The following ANKRD30BL variants were observed in gnomAD, a reference collection of about 807,000 sequenced individuals.
ANKRD30BL encodes ankyrin repeat domain 30B like.
In ANKRD30BL, 20 loss-of-function variants were observed where a neutral mutation model predicts 18.4. The observed-to-expected ratio is 1.09, with a 90% confidence interval of 0.77 to 1.58. The LOEUF (loss-of-function observed/expected upper bound fraction) is 1.58, where lower values mean the gene tolerates loss of function less well. ANKRD30BL is among the 40% of genes most tolerant of loss of function. The pLI, the probability that ANKRD30BL is intolerant of heterozygous loss-of-function variation, is 0.00. For missense variants in ANKRD30BL, 224 were observed against 268.6 expected (o/e 0.83, Z 1.16); for synonymous variants, 72 against 100.9 (o/e 0.71, Z 1.72).
chr2:132,180,444 G>T (rs934830424), intron 1 of ANKRD30BL, among the ~76,000 whole-genome samples: 1 of 152,168 alleles, frequency 6.6e-6, no homozygotes, highest in Non-Finnish European at 1.5e-5. Context: ...ACTGCTTAAA[G>T]ACATATTTCT....
intron 1 of ANKRD30BL, among the ~76,000 whole-genome samples, chr2:132,230,273 C>T (rs1262107963): frequency 2.6e-5 from 4 of 152,068 alleles, no homozygotes; most frequent in South Asian, 2.1e-4. Context: ...TTATGGACCG[C>T]TTTGAGGCCT....
At chr2:132,238,220 G>C (rs1436010173) in intron 1 of ANKRD30BL, among the ~76,000 whole-genome samples, 1 of 151,998 alleles carries the variant, frequency 6.6e-6, no homozygotes, top group African/African-American at 2.4e-5. Flanking sequence ...GTTTGATACA[G>C]CAGTTATGAA....
chr2:132,250,416 T>G (rs945723972), intron 1 of ANKRD30BL, among the ~76,000 whole-genome samples: 1 of 152,164 alleles, frequency 6.6e-6, no homozygotes, highest in Non-Finnish European at 1.5e-5. Context: ...GTGCTCATAA[T>G]TAGTTTTTAG....
chr2:132,181,966 C>G (rs913137112), intron 1 of ANKRD30BL, among the ~76,000 whole-genome samples: 1 of 151,918 alleles, frequency 6.6e-6, no homozygotes, highest in African/African-American at 2.4e-5. Flanking sequence ...ACAAAATTAG[C>G]CGGGCGTGGT....
At chr2:132,176,037 C>T (rs151029700) in intron 1 of ANKRD30BL, among the ~76,000 whole-genome samples, 334 of 152,238 alleles carry the variant, frequency 2.2e-3, no homozygotes, top group African/African-American at 7.6e-3. Flanking sequence ...CTTCCTTTTC[C>T]CTACAAAATA....
chr2:132,247,124 G>A (rs556728724), intron 1 of ANKRD30BL, among the ~76,000 whole-genome samples: 1 of 100,182 alleles, frequency 1.0e-5, no homozygotes, highest in South Asian at 3.1e-4. Flanking sequence ...AGCTCTTTGA[G>A]GCCTATGGTG....
intron 1 of ANKRD30BL, among the ~76,000 whole-genome samples, chr2:132,247,580 GTGA>G (rs1297083088): frequency 8.6e-5 from 13 of 151,850 alleles, no homozygotes; most frequent in Non-Finnish European, 1.5e-4. Context: ...TAGTTTTTAT[GTGA>G]TGATATTTCT....
Position 132,207,497 on chromosome 2 carries a change from A to T in ANKRD30BL, n.441+50032T>A, listed in dbSNP as rs572414359. On this transcript the variant is annotated intron_variant and non_coding_transcript_variant, in intron 1 of 4. Transcript: ENST00000470729. ...CTTTCAAATCTCTGATTATCGGACC[A>T]AACCATAAGGTCCTCCACGTGAATT... Among the ~76,000 whole-genome samples, 242 of 152,298 alleles carry T rather than the reference A, an allele frequency of 1.6e-3. 1 individual carries two copies. The highest frequency in any genetic ancestry group is 5.5e-3 in the African/African-American group (227 of 41,568).
chr2:132,225,266 A>T (rs1275308960), intron 1 of ANKRD30BL, among the ~76,000 whole-genome samples: 2 of 151,976 alleles, frequency 1.3e-5, no homozygotes, highest in Admixed American at 6.6e-5. Context: ...TTTTTTGTAG[A>T]ATCTGCAAGT....
chr2:132,198,615 G>A (rs1307080056), intron 1 of ANKRD30BL, among the ~76,000 whole-genome samples: 25 of 149,256 alleles, frequency 1.7e-4, no homozygotes, highest in South Asian at 2.1e-4. Context: ...GAGCCACAGC[G>A]CCCAGCCTTT....
chr2:132,153,514 C>CA (rs1687818832), intron 4 of ANKRD30BL: 1 of 484,782 alleles, frequency 2.1e-6, no homozygotes. Flanking sequence ...CTACCTGAAA[C>CA]AAACTATAAA....
intron 1 of ANKRD30BL, among the ~76,000 whole-genome samples, chr2:132,219,640 G>T (rs1679613699): frequency 6.6e-6 from 1 of 152,070 alleles, no homozygotes; most frequent in Admixed American, 6.6e-5. Context: ...GGCCTAAGGT[G>T]GGAAAGGAAA....
chr2:132,231,664 C>A (rs892254244), intron 1 of ANKRD30BL, among the ~76,000 whole-genome samples: 1 of 152,194 alleles, frequency 6.6e-6, no homozygotes, highest in Non-Finnish European at 1.5e-5. Context: ...GAGATTATAT[C>A]CCGCACCTGG....
At chr2:132,181,179 G>A (rs1237380502) in intron 1 of ANKRD30BL, among the ~76,000 whole-genome samples, 6 of 151,522 alleles carry the variant, frequency 4.0e-5, no homozygotes, top group Admixed American at 1.3e-4. Context: ...ATATTAAAAT[G>A]AGGGATAAAT....
intron 1 of ANKRD30BL, among the ~76,000 whole-genome samples, chr2:132,181,614 C>T (rs986908160): frequency 6.6e-6 from 1 of 152,156 alleles, no homozygotes; most frequent in African/African-American, 2.4e-5. Flanking sequence ...ACATATGTAG[C>T]CTTCCATTTA....
At chr2:132,178,914 G>A (rs1215102680) in intron 1 of ANKRD30BL, among the ~76,000 whole-genome samples, 2 of 151,586 alleles carry the variant, frequency 1.3e-5, no homozygotes, top group East Asian at 1.9e-4. Flanking sequence ...GAATTCTGAG[G>A]TTTTAAGCCT....
At chr2:132,178,344 G>A (rs935209897) in intron 1 of ANKRD30BL, among the ~76,000 whole-genome samples, 3 of 152,180 alleles carry the variant, frequency 2.0e-5, no homozygotes, top group African/African-American at 7.2e-5. Flanking sequence ...AAAGGTTCAG[G>A]GACATCTTCA....
At chr2:132,220,617 C>T (rs1422157933) in intron 1 of ANKRD30BL, among the ~76,000 whole-genome samples, 2 of 152,122 alleles carry the variant, frequency 1.3e-5, no homozygotes, top group Non-Finnish European at 2.9e-5. Flanking sequence ...CCGCCAGCCT[C>T]GGCCTCCCGA....
In ANKRD30BL at chr2:132,225,366, G is replaced by A. The variant is rs533014273; in HGVS notation, n.441+32163C>T. On this transcript the variant is annotated intron_variant and non_coding_transcript_variant, in intron 1 of 4. Coordinates refer to the ANKRD30BL transcript ENST00000470729. The stretch of plus-strand genomic sequence containing the variant: ...GAAGCATTCTCAGAAACTTCTTTGT[G>A]ATGTTTGCCTTAAACTCACGGAGTT... Among the ~76,000 whole-genome samples the A allele has an allele frequency of 3.3e-5, 5 of 152,146 alleles. No individual in the cohort carries two copies. The East Asian group carries it at 5.8e-4, about 18-fold the overall frequency.
Sources: gnomAD v4.1 joint callset for allele counts (sites outside exome capture counted in the v4.1 genomes callset) on GRCh38, gnomAD v4.1.1 for gene constraint, MANE v1.5 for transcripts, NCBI Gene and HGNC (gene_info 2026-07-23, HGNC 2026-07-21) for gene names.